PDE4B: variants seen among roughly 807,000 people sequenced by gnomAD.
PDE4B encodes the protein 3',5'-cyclic-AMP phosphodiesterase 4B.
A neutral mutation model predicts 82.2 loss-of-function variants in PDE4B; 20 were observed. The ratio of observed to expected loss-of-function variants is 0.24; its 90% CI spans 0.17 to 0.35. The LOEUF (loss-of-function observed/expected upper bound fraction) is 0.35, where lower values mean the gene tolerates loss of function less well. Ranked by LOEUF, PDE4B falls within the 10% of genes least tolerant of loss-of-function variation. The pLI is 1.00. For missense variants in PDE4B, 655 were observed against 907.2 expected, an observed-to-expected ratio of 0.72 and a Z score of 3.57; for synonymous variants, 320 against 318.9, an observed-to-expected ratio of 1.00 and a Z score of -0.04.
At chr1:65,860,306 T>C (rs1646439786) in intron 1 of PDE4B, among the ~76,000 whole-genome samples, 1 of 152,224 alleles carries the variant, frequency 6.6e-6, no homozygotes, top group Non-Finnish European at 1.5e-5. Flanking sequence ...TGTTTAGTTT[T>C]CTGTTCCTGT....
intron 3 of PDE4B, among the ~76,000 whole-genome samples, chr1:66,226,838 A>AT (rs1255290638): frequency 6.6e-6 from 1 of 152,256 alleles, no homozygotes; most frequent in African/African-American, 2.4e-5. Context: ...AAAATAGTTT[A>AT]TAGAATCAAA....
intron 7 of PDE4B, among the ~76,000 whole-genome samples, chr1:66,289,817 A>T (rs941746885): frequency 1.3e-5 from 2 of 152,054 alleles, no homozygotes; most frequent in Admixed American, 1.3e-4. Flanking sequence ...GCAAGAGGTG[A>T]TGCTTGCCTA....
chr1:66,233,412 T>TA (rs1652148258), intron 3 of PDE4B, among the ~76,000 whole-genome samples: 1 of 152,222 alleles, frequency 6.6e-6, no homozygotes, highest in African/African-American at 2.4e-5. Context: ...GTTTTTTTTT[T>TA]ACTATGCCAA....
At chr1:65,873,112 T>TA (rs1174426808) in intron 1 of PDE4B, among the ~76,000 whole-genome samples, 7 of 152,028 alleles carry the variant, frequency 4.6e-5, no homozygotes, top group Non-Finnish European at 8.8e-5. Context: ...CAATTTCAAG[T>TA]AAAAAATGCT....
intron 7 of PDE4B, among the ~76,000 whole-genome samples, chr1:66,270,012 T>A (rs1655348661): frequency 6.6e-6 from 1 of 152,162 alleles, no homozygotes; most frequent in African/African-American, 2.4e-5. Context: ...TGGTAACAGA[T>A]CAGATGTTAT....
chr1:65,870,976 G>A (rs1047018665), intron 1 of PDE4B, among the ~76,000 whole-genome samples: 12 of 152,110 alleles, frequency 7.9e-5, no homozygotes, highest in Non-Finnish European at 1.2e-4. Flanking sequence ...AGGAAGAATC[G>A]GTAAGACTGA....
Position 66,280,378 on chromosome 1 carries a change from A to T in PDE4B, c.634+14291A>T, listed in dbSNP as rs114077682. Among the ~76,000 whole-genome samples, 477 of 152,342 alleles carry T rather than the reference A, an allele frequency of 3.1e-3. 1 individual carries two copies. Among genetic ancestry groups the T allele is most frequent in the African/African-American group, 0.011 (456 of 41,584 alleles). Reference sequence around the variant, plus strand: ...AGAAAATCTTGGGCTTTTGCTTTACACGAATGCCAATCAATTTGTGCCTAG... The same window carrying T: ...AGAAAATCTTGGGCTTTTGCTTTACTCGAATGCCAATCAATTTGTGCCTAG... On this transcript the variant is annotated intron_variant, in intron 7 of 16. Transcript: ENST00000341517.
At chr1:66,020,868 C>A (rs1182195888) in intron 3 of PDE4B, among the ~76,000 whole-genome samples, 1 of 152,178 alleles carries the variant, frequency 6.6e-6, no homozygotes, top group African/African-American at 2.4e-5. Context: ...ATTTCTAGTT[C>A]TAGATCCTTG....
chr1:66,161,020 C>T (rs1646601775), intron 3 of PDE4B, among the ~76,000 whole-genome samples: 3 of 150,882 alleles, frequency 2.0e-5, no homozygotes, highest in Admixed American at 1.3e-4. Context: ...TTTAAAATAC[C>T]CAGAAACAAC....
chr1:65,996,067 T>C (rs1371108706), intron 3 of PDE4B, among the ~76,000 whole-genome samples: 1 of 152,162 alleles, frequency 6.6e-6, no homozygotes, highest in East Asian at 1.9e-4. Context: ...TTTAAAAATA[T>C]CTGGGGGAAA....
intron 7 of PDE4B, among the ~76,000 whole-genome samples, chr1:66,329,009 AG>A (rs1192066631): frequency 3.3e-5 from 5 of 152,204 alleles, no homozygotes; most frequent in Non-Finnish European, 7.3e-5. Context: ...GACCATGAGA[AG>A]GGAGAAATAC....
intron 3 of PDE4B, among the ~76,000 whole-genome samples, chr1:65,962,590 C>T (rs1388076069): frequency 2.0e-5 from 3 of 152,088 alleles, no homozygotes; most frequent in Admixed American, 6.6e-5. Context: ...ATTTGGGTGG[C>T]TCAAGAGGTC....
intron 3 of PDE4B, among the ~76,000 whole-genome samples, chr1:65,981,860 G>A (rs1228132768): frequency 6.6e-6 from 1 of 152,054 alleles, no homozygotes; most frequent in Non-Finnish European, 1.5e-5. Context: ...GAAAGGGCTG[G>A]AACTGATTCT....
intron 7 of PDE4B, among the ~76,000 whole-genome samples, chr1:66,281,095 G>A (rs1319164836): frequency 6.6e-6 from 1 of 152,152 alleles, no homozygotes; most frequent in Non-Finnish European, 1.5e-5. Flanking sequence ...TTTATCTTCT[G>A]ATAAAGAATT....
At chr1:66,034,840 CCATT>C (rs1653982139) in intron 3 of PDE4B, among the ~76,000 whole-genome samples, 1 of 152,114 alleles carries the variant, frequency 6.6e-6, no homozygotes, top group East Asian at 1.9e-4. Flanking sequence ...TTTTATCTTA[CCATT>C]CAGTTTCTCC....
intron 3 of PDE4B, among the ~76,000 whole-genome samples, chr1:65,957,823 G>A (rs2100588252): frequency 6.6e-6 from 1 of 151,976 alleles, no homozygotes; most frequent in South Asian, 2.1e-4. Flanking sequence ...TTCAATCTGT[G>A]GCTGATCATG....
intron 1 of PDE4B, among the ~76,000 whole-genome samples, chr1:65,825,705 C>CCTATCTAT (rs57327589): frequency 0.023 from 2,464 of 107,330 alleles, 38 homozygotes; most frequent in East Asian, 0.082. Flanking sequence ...AACAAAATTA[C>CCTATCTAT]CTATCTATCT....
chr1:66,095,749 A>C (rs571518003), intron 3 of PDE4B, among the ~76,000 whole-genome samples: 17 of 151,918 alleles, frequency 1.1e-4, no homozygotes, highest in African/African-American at 3.4e-4. Context: ...TCTCACAGGG[A>C]TTTGTTTCTT....
chr1:66,175,894 T>C (rs953979542), intron 3 of PDE4B, among the ~76,000 whole-genome samples: 23 of 152,184 alleles, frequency 1.5e-4, no homozygotes, highest in African/African-American at 4.8e-4. Context: ...GCCTCAAATT[T>C]GGGACAGAAA....
Sources: gnomAD v4.1 joint callset for allele counts (sites outside exome capture counted in the v4.1 genomes callset) on GRCh38, gnomAD v4.1.1 for gene constraint, MANE v1.5 for transcripts, NCBI Gene and HGNC (gene_info 2026-07-23, HGNC 2026-07-21) for gene names.